The following SPIN1 variants were observed in gnomAD, a reference collection of about 807,000 sequenced individuals.
The protein encoded by SPIN1 is spindlin 1.
SPIN1 carries 3 observed loss-of-function variants against 26.0 expected under a neutral mutation model. The observed-to-expected ratio is 0.12, with a 90% CI of 0.05 to 0.30. The LOEUF (loss-of-function observed/expected upper bound fraction) is 0.30, where lower values mean the gene tolerates loss of function less well. Among genes scored for constraint, SPIN1 ranks in the 10% least tolerant of loss-of-function variants. The pLI is 1.00. For synonymous variants in SPIN1, 101 were observed against 116.5 expected (o/e 0.87, Z 0.86); for missense variants, 126 against 333.4 (o/e 0.38, Z 4.84).
At chr9:88,423,065 T>G (rs1436363904) in intron 1 of SPIN1, among the ~76,000 whole-genome samples, 16 of 152,220 alleles carry the variant, frequency 1.1e-4, no homozygotes, top group Admixed American at 1.0e-3. Context: ...ATAGCCACCA[T>G]GTATCCTTCC....
At chr9:88,460,859 G>A (rs374924479) in intron 3 of SPIN1, among the ~76,000 whole-genome samples, 3 of 152,210 alleles carry the variant, frequency 2.0e-5, no homozygotes, top group African/African-American at 7.2e-5. Flanking sequence ...CTGTGGCACA[G>A]TTAAGTTGAC....
chr9:88,396,569 T>C (rs1404827637), intron 1 of SPIN1, among the ~76,000 whole-genome samples: 1 of 152,084 alleles, frequency 6.6e-6, no homozygotes, highest in Non-Finnish European at 1.5e-5. Context: ...ACCCCTGCAC[T>C]CCAGACTGGG....
At chr9:88,453,979 A>G (rs956617187) in intron 3 of SPIN1, among the ~76,000 whole-genome samples, 7 of 152,226 alleles carry the variant, frequency 4.6e-5, no homozygotes, top group African/African-American at 1.7e-4. Flanking sequence ...TTACACAGAT[A>G]CCGGTTTATC....
intron 5 of SPIN1, among the ~76,000 whole-genome samples, chr9:88,470,675 G>T (rs2118225862): frequency 6.6e-6 from 1 of 150,874 alleles, no homozygotes; most frequent in South Asian, 2.1e-4. Flanking sequence ...GCTTACTGCA[G>T]CCTCCGCCTA....
intron 5 of SPIN1, 136 bp downstream of exon 5, chr9:88,468,741 G>A (rs893976681): frequency 8.6e-5 from 43 of 498,860 alleles, no homozygotes; most frequent in African/African-American, 3.8e-4. Flanking sequence ...CACAAACACA[G>A]CCTTTGAAAT....
chr9:88,396,472 C>T (rs148846777), intron 1 of SPIN1, among the ~76,000 whole-genome samples: 3,490 of 151,704 alleles, frequency 0.023, 76 homozygotes, highest in Middle Eastern at 0.031. Flanking sequence ...TGTGGTGGCG[C>T]ATGCCTGTAA....
intron 2 of SPIN1, among the ~76,000 whole-genome samples, chr9:88,441,397 T>TCGCG (rs1398175693): frequency 5.9e-5 from 6 of 102,382 alleles, no homozygotes; most frequent in African/African-American, 3.3e-4. Context: ...TTGCTGCCAT[T>TCGCG]CGTGTGTGTG....
At chr9:88,410,892 A>C in intron 1 of SPIN1, 1 of 975,378 alleles carries the variant, frequency 1.0e-6, no homozygotes, top group South Asian at 1.3e-5. Context: ...CTTTGGCTGG[A>C]TGAAGCACTA....
Position 88,413,761 on chromosome 9 carries a change from T to G in SPIN1, c.-158-12621T>G, listed in dbSNP as rs540388865. ...GTGGTCTTTGGCTTACCTCCTTTTA[T>G]ATATTCATCAACAAATAATTGTTGA... On this transcript the variant is annotated intron_variant, in intron 1 of 5. Coordinates refer to ENST00000375859, the MANE Select transcript of SPIN1 (RefSeq NM_006717.3). Among the ~76,000 whole-genome samples the G allele has an allele frequency of 3.9e-5, 6 of 152,302 alleles. No individual in the cohort carries two copies. In the South Asian group the frequency reaches 1.2e-3, roughly 32 times the overall value.
chr9:88,459,888 C>T (rs183579700), intron 3 of SPIN1, among the ~76,000 whole-genome samples: 2 of 152,330 alleles, frequency 1.3e-5, no homozygotes, highest in African/African-American at 4.8e-5. Flanking sequence ...CCTTGGCTCA[C>T]ATTTTCTTTT....
intron 1 of SPIN1, among the ~76,000 whole-genome samples, chr9:88,406,924 C>G (rs904838361): frequency 6.6e-6 from 1 of 151,940 alleles, no homozygotes; most frequent in African/African-American, 2.4e-5. Flanking sequence ...TTAATTCTGT[C>G]TGTATTTTAT....
At chr9:88,410,002 C>T (rs1353502338) in intron 1 of SPIN1, among the ~76,000 whole-genome samples, 1 of 152,034 alleles carries the variant, frequency 6.6e-6, no homozygotes, top group Admixed American at 6.6e-5. Context: ...TTCTTTTCTC[C>T]TAATCTTACC....
intron 1 of SPIN1, chr9:88,410,854 C>G: frequency 1.1e-6 from 1 of 919,444 alleles, no homozygotes; most frequent in Admixed American, 1.7e-5. Context: ...ACCTCCACGA[C>G]CACCACGTTT....
intron 2 of SPIN1, among the ~76,000 whole-genome samples, chr9:88,440,534 CTTTCT>C (rs1472611807): frequency 6.6e-6 from 1 of 151,942 alleles, no homozygotes; most frequent in Admixed American, 6.6e-5. Flanking sequence ...AGTCTACTTT[CTTTCT>C]TTTCTTTCTC....
At chr9:88,456,378 T>A (rs1205371983) in intron 3 of SPIN1, among the ~76,000 whole-genome samples, 1 of 152,156 alleles carries the variant, frequency 6.6e-6, no homozygotes, top group Non-Finnish European at 1.5e-5. Flanking sequence ...ATATCAAGAC[T>A]CCACTGAGGA....
intron 2 of SPIN1, among the ~76,000 whole-genome samples, chr9:88,445,703 T>C (rs931697482): frequency 6.6e-6 from 1 of 151,704 alleles, no homozygotes; most frequent in Non-Finnish European, 1.5e-5. Flanking sequence ...GCTTTTTTTT[T>C]TCCCCCCGTA....
chr9:88,454,210 G>C (rs1212731381), intron 3 of SPIN1, among the ~76,000 whole-genome samples: 2 of 151,994 alleles, frequency 1.3e-5, no homozygotes, highest in Non-Finnish European at 2.9e-5. Flanking sequence ...GAATATTTTA[G>C]ACTCTTTCCC....
chr9:88,478,299 A>T lies in SPIN1; in HGVS notation c.*3022A>T, dbSNP rs552065266. 6.5e-6 allele frequency: 1 copy of T among 152,684 alleles called. No homozygotes were observed. The highest frequency in any genetic ancestry group is 2.4e-5 in the African/African-American group (1 of 41,470). The allele number at this position is 152,684 out of a possible 1,614,324, so 9.5% of individuals were successfully genotyped here. ...CGATTGTTACAAATTGTAGTGCCTG[A>T]AAACACTCTTAAGCTGATTGTCTTA... On this transcript the variant is annotated 3_prime_UTR_variant, in exon 6 of 6. Coordinates refer to ENST00000375859, the MANE Select transcript of SPIN1 (RefSeq NM_006717.3).
intron 1 of SPIN1, among the ~76,000 whole-genome samples, chr9:88,415,136 C>G (rs954757866): frequency 2.0e-5 from 3 of 152,038 alleles, no homozygotes; most frequent in Non-Finnish European, 4.4e-5. Context: ...AATCTCCTGA[C>G]CTTGTGATCC....
Sources: gnomAD v4.1 joint callset for allele counts (sites outside exome capture counted in the v4.1 genomes callset) on GRCh38, gnomAD v4.1.1 for gene constraint, MANE v1.5 for transcripts, NCBI Gene and HGNC (gene_info 2026-07-23, HGNC 2026-07-21) for gene names.